The following NBAS variants were observed in gnomAD, a reference collection of about 807,000 sequenced individuals.
The protein encoded by NBAS is NBAS subunit of NRZ tethering complex.
In NBAS, 219 loss-of-function variants were observed where a neutral mutation model predicts 302.5. The ratio of observed to expected loss-of-function variants is 0.72; its 90% CI spans 0.65 to 0.81. The LOEUF (loss-of-function observed/expected upper bound fraction) is 0.81, where lower values mean the gene tolerates loss of function less well. NBAS is among the 30% of genes least tolerant of loss of function. The probability of loss-of-function intolerance (pLI) is 0.00; values close to 1 mark genes in which losing one functional copy is unlikely to be tolerated. For missense variants in NBAS, 2,932 were observed against 2,841.6 expected, an observed-to-expected ratio of 1.03 and a Z score of -0.72; for synonymous variants, 1,118 against 1,021.6, an observed-to-expected ratio of 1.09 and a Z score of -1.80.
the NBAS span, among the ~76,000 whole-genome samples, chr2:15,114,316 C>G: frequency 3.3e-5 from 5 of 152,146 alleles, no homozygotes; most frequent in African/African-American, 1.2e-4. Context: ...CTCCCGGGCT[C>G]GTAGATGGAC....
the NBAS span, among the ~76,000 whole-genome samples, chr2:14,909,137 G>A: frequency 5.3e-5 from 8 of 151,874 alleles, no homozygotes; most frequent in African/African-American, 1.7e-4. Flanking sequence ...TCGAGACCAC[G>A]GTGAAACCCC....
At chr2:14,792,974 A>G in the NBAS span, among the ~76,000 whole-genome samples, 1 of 152,182 alleles carries the variant, frequency 6.6e-6, no homozygotes, top group African/African-American at 2.4e-5. Flanking sequence ...AAGGTTCAAT[A>G]AAGTCATAAG....
chr2:14,997,081 C>T, the NBAS span, among the ~76,000 whole-genome samples: 1 of 151,972 alleles, frequency 6.6e-6, no homozygotes, highest in Non-Finnish European at 1.5e-5. Flanking sequence ...AAATATCTTA[C>T]TAAATTATCG....
chr2:14,981,150 G>A, the NBAS span, among the ~76,000 whole-genome samples: 1 of 151,548 alleles, frequency 6.6e-6, no homozygotes. Flanking sequence ...AGACTGTAAG[G>A]GCCCACCAAG....
intron 28 of NBAS, chr2:15,393,706 G>A (rs1346437133): frequency 2.3e-5 from 11 of 470,284 alleles, no homozygotes; most frequent in East Asian, 1.4e-4. Flanking sequence ...AAATGTCCAC[G>A]GACAGAGAAG....
intron 27 of NBAS, 24 bp downstream of exon 27, chr2:15,396,389 A>C: frequency 6.3e-7 from 1 of 1,595,636 alleles, no homozygotes; most frequent in South Asian, 1.1e-5. Context: ...CATGGAGAAA[A>C]AAAAAAACTG....
intron 47 of NBAS, among the ~76,000 whole-genome samples, chr2:15,222,586 A>G (rs551404693): frequency 1.1e-4 from 17 of 152,350 alleles, no homozygotes; most frequent in Middle Eastern, 3.4e-3. Flanking sequence ...TTTCTTGTAT[A>G]CTGTTATCAT....
chr2:15,364,839 A>G (rs1674119618), intron 32 of NBAS, among the ~76,000 whole-genome samples: 1 of 152,130 alleles, frequency 6.6e-6, no homozygotes, highest in African/African-American at 2.4e-5. Context: ...AATCTCCAGA[A>G]GAGATTGGGA....
In NBAS at chr2:15,474,299, C is replaced by G. The variant is rs200802376; in HGVS notation, c.1367G>C (p.Arg456Pro). The change falls in exon 15 of 52, where the codon CGA (arginine) becomes CCA (proline). Residue 456 changes from arginine to proline, a missense_variant. By Grantham distance (103) the Arg-to-Pro change is moderately radical. Coordinates refer to ENST00000281513, the MANE Select transcript of NBAS (RefSeq NM_015909.4). Reference sequence around the variant, plus strand: ...TCCAGCTCTAGTCTCCAAACGAGATCGTTTGGGGGCAAGTTTAATCTCACA... The same window carrying G: ...TCCAGCTCTAGTCTCCAAACGAGATGGTTTGGGGGCAAGTTTAATCTCACA... ...LECEIKLAPK[R>P]SRLETRAGEE... 32 of 1,613,392 alleles carry G rather than the reference C, an allele frequency of 2.0e-5. No homozygotes were observed. In the African/African-American group the frequency reaches 4.0e-4, roughly 20 times the overall value.
At chr2:15,149,002 C>T in the NBAS span, among the ~76,000 whole-genome samples, 1 of 152,136 alleles carries the variant, frequency 6.6e-6, no homozygotes, top group Admixed American at 6.5e-5. Flanking sequence ...TATTTGCCTT[C>T]GAAGCCATTT....
intron 38 of NBAS, among the ~76,000 whole-genome samples, chr2:15,326,950 C>A (rs1390514350): frequency 6.6e-6 from 1 of 151,982 alleles, no homozygotes; most frequent in Non-Finnish European, 1.5e-5. Context: ...AGTTCTATTC[C>A]CTGTATGCAT....
chr2:15,119,298 CCTTT>C, the NBAS span, among the ~76,000 whole-genome samples: 3 of 141,948 alleles, frequency 2.1e-5, no homozygotes, highest in Non-Finnish European at 4.5e-5. Flanking sequence ...TTTTAGAAAT[CCTTT>C]CTTTTTTTTT....
intron 44 of NBAS, among the ~76,000 whole-genome samples, chr2:15,244,151 A>G (rs1667984520): frequency 6.6e-6 from 1 of 152,210 alleles, no homozygotes; most frequent in African/African-American, 2.4e-5. Context: ...GACCCTGTAG[A>G]TGTGGCTACG....
the NBAS span, among the ~76,000 whole-genome samples, chr2:14,981,720 T>C: frequency 1.3e-5 from 2 of 152,216 alleles, no homozygotes; most frequent in Non-Finnish European, 2.9e-5. Flanking sequence ...ATATTCACTC[T>C]TTCTTCATCC....
chr2:15,023,683 A>T, the NBAS span, among the ~76,000 whole-genome samples: 1 of 112,656 alleles, frequency 8.9e-6, no homozygotes, highest in Non-Finnish European at 2.0e-5. Flanking sequence ...TAATTTAAAC[A>T]TCATTTAGTA....
the NBAS span, among the ~76,000 whole-genome samples, chr2:14,929,220 G>GT: frequency 1.1e-4 from 16 of 152,262 alleles, 1 homozygote; most frequent in Admixed American, 8.5e-4. Flanking sequence ...AGCTCTCTAG[G>GT]TAAGTCTTAC....
At chr2:15,216,244 C>A (rs559482211) in intron 48 of NBAS, among the ~76,000 whole-genome samples, 1 of 152,136 alleles carries the variant, frequency 6.6e-6, no homozygotes, top group African/African-American at 2.4e-5. Context: ...AAATCTGTAT[C>A]ATTACCTACC....
the NBAS span, among the ~76,000 whole-genome samples, chr2:15,103,022 A>AGGAAGGAAGGAAGGAG: frequency 1.2e-5 from 1 of 82,806 alleles, no homozygotes; most frequent in African/African-American, 3.3e-5. Context: ...GAAGGAAGGA[A>AGGAAGGAAGGAAGGAG]GGAAGGAAAG....
At chr2:15,159,612 G>T in the NBAS span, among the ~76,000 whole-genome samples, 1 of 151,766 alleles carries the variant, frequency 6.6e-6, no homozygotes, top group African/African-American at 2.4e-5. Context: ...TTAAGGGCTG[G>T]GGGGAGGAAA....
Sources: gnomAD v4.1 joint callset for allele counts (sites outside exome capture counted in the v4.1 genomes callset) on GRCh38, gnomAD v4.1.1 for gene constraint, MANE v1.5 for transcripts, NCBI Gene and HGNC (gene_info 2026-07-23, HGNC 2026-07-21) for gene names.